Variants in CENPC observed in about 807,000 individuals in gnomAD.
CENPC encodes centromere protein C, also known as CENP-C 1.
In CENPC, 63 loss-of-function variants were observed where a neutral mutation model predicts 112.1. That is an observed-to-expected ratio of 0.56 (90% CI 0.46 to 0.69). CENPC has a LOEUF of 0.69. CENPC is among the 30% of genes least tolerant of loss of function. The pLI is 0.00. For synonymous variants in CENPC, 333 were observed against 367.6 expected, an observed-to-expected ratio of 0.91 and a Z score of 1.08; for missense variants, 1,000 against 1,103.8, an observed-to-expected ratio of 0.91 and a Z score of 1.33.
intron 2 of CENPC, among the ~76,000 whole-genome samples, chr4:67,543,933 G>C (rs1726956403): frequency 6.6e-6 from 1 of 152,000 alleles, no homozygotes; most frequent in Non-Finnish European, 1.5e-5. Context: ...CCTCTTCCTG[G>C]TTCCACTATT....
chr4:67,487,622 T>C (rs1167409215), intron 17 of CENPC, among the ~76,000 whole-genome samples: 1 of 151,710 alleles, frequency 6.6e-6, no homozygotes, highest in East Asian at 1.9e-4. Context: ...ATTTTAAAAA[T>C]ATTCTCAACC....
Position 67,519,466 on chromosome 4 carries a change from G to A in CENPC, c.368C>T (p.Thr123Ile), listed in dbSNP as rs1187358445. The A allele has an allele frequency of 1.3e-6, 2 of 1,595,056 alleles. No individual in the cohort carries two copies. The highest frequency in any genetic ancestry group is 2.7e-5 in the African/African-American group (2 of 74,542). Residue 123 changes from threonine to isoleucine, a missense_variant, in exon 6 of 19, where the codon ACT (threonine) becomes ATT (isoleucine). Physicochemically the swap from Thr to Ile is moderately conservative, Grantham distance 89. Coordinates refer to ENST00000273853, the MANE Select transcript of CENPC (RefSeq NM_001812.4). ...AHEVHQKILATDVSSKNTPDS... is the reference protein window; with the variant it reads ...AHEVHQKILAIDVSSKNTPDS... ...AGGTGTATTTTTGGAACTAACATCA[G>A]TTGCCAGAATTTTCTGATGAACTTC...
chr4:67,508,039 T>G (rs1725785086), intron 10 of CENPC, among the ~76,000 whole-genome samples: 1 of 152,152 alleles, frequency 6.6e-6, no homozygotes, highest in Non-Finnish European at 1.5e-5. Context: ...TTGTTGGAAC[T>G]AATAAGAATT....
At chr4:67,518,739 T>C (rs1726132645) in intron 6 of CENPC, among the ~76,000 whole-genome samples, 1 of 152,116 alleles carries the variant, frequency 6.6e-6, no homozygotes, top group South Asian at 2.1e-4. Flanking sequence ...ATACTCTAAA[T>C]AGAAATTACA....
chr4:67,500,021 T>C (rs966827924), intron 12 of CENPC, among the ~76,000 whole-genome samples: 3 of 152,042 alleles, frequency 2.0e-5, no homozygotes, highest in Admixed American at 1.3e-4. Flanking sequence ...GTAGCTGTGG[T>C]TTGCGGTGCC....
chr4:67,494,117 C>A, intron 13 of CENPC, 129 bp from the exon 14 acceptor site: 6 of 517,744 alleles, frequency 1.2e-5, no homozygotes, highest in South Asian at 3.6e-5. Context: ...AGACAAAAGA[C>A]TAGAAAAAAC....
intron 6 of CENPC, 130 bp from the exon 7 acceptor site, chr4:67,518,498 T>A: frequency 6.0e-6 from 6 of 1,007,904 alleles, no homozygotes; most frequent in Non-Finnish European, 7.8e-6. Flanking sequence ...ATTTAAGACA[T>A]AAATGCTGAT....
At chr4:67,501,453 A>G (rs780940135) in intron 12 of CENPC, among the ~76,000 whole-genome samples, 1 of 152,218 alleles carries the variant, frequency 6.6e-6, no homozygotes, top group Non-Finnish European at 1.5e-5. Flanking sequence ...AATGGCACAC[A>G]TTTGATCATG....
rs188011228 is a variant in CENPC, at chr4:67,471,262, A to G, written c.*1343T>C. On this transcript the variant is annotated 3_prime_UTR_variant, in exon 19 of 19. Transcript: ENST00000273853. ...AGACAGCAATAACTTCACATCATAT[A>G]TAAGATAGATTCCACAATTTGAGTC... The G allele has an allele frequency of 1.0e-3, 157 of 152,342 alleles. No homozygotes were observed. Among genetic ancestry groups the G allele is most frequent in the African/African-American group, 3.4e-3 (143 of 41,584 alleles). The allele number at this position is 152,342 out of a possible 1,614,324, so 9.4% of individuals were successfully genotyped here. A position where few individuals can be genotyped will look rare whatever the true frequency, so the allele number is the denominator to read the frequency against.
chr4:67,524,623 C>A lies in CENPC; in HGVS notation c.332-5121G>T, dbSNP rs193005582. On this transcript the variant is annotated intron_variant, in intron 5 of 18. Transcript: ENST00000273853. ...ATAAAATACCTAGGAATACAACTTA[C>A]AAGGGACGTGAGGGACCTCTTGAAG... 3.1e-3 allele frequency among the ~76,000 whole-genome samples: 477 copies of A among 152,218 alleles called. 1 individual carries two copies. The highest frequency in any genetic ancestry group is 0.011 in the African/African-American group (456 of 41,542).
At chr4:67,509,168 T>A (rs2109798006) in intron 9 of CENPC, 63 bp from the exon 10 acceptor site, 1 of 1,133,872 alleles carries the variant, frequency 8.8e-7, no homozygotes, top group East Asian at 2.5e-5. Flanking sequence ...CTCACTGAAA[T>A]ACCAACAGCA....
At chr4:67,477,506 G>C (rs1025164860) in intron 17 of CENPC, among the ~76,000 whole-genome samples, 4 of 152,164 alleles carry the variant, frequency 2.6e-5, no homozygotes, top group African/African-American at 9.7e-5. Context: ...GGAAGGAGGA[G>C]AGCACCACAT....
chr4:67,542,124 T>C (rs907491676), intron 2 of CENPC, among the ~76,000 whole-genome samples: 1 of 152,212 alleles, frequency 6.6e-6, no homozygotes, highest in East Asian at 1.9e-4. Flanking sequence ...CAGTATAAAA[T>C]TGACATGCAT....
intron 8 of CENPC, among the ~76,000 whole-genome samples, chr4:67,513,629 G>A (rs1172879340): frequency 1.3e-5 from 2 of 152,092 alleles, no homozygotes; most frequent in Non-Finnish European, 2.9e-5. Context: ...GAAATAATGG[G>A]TTAGTAATTT....
intron 17 of CENPC, among the ~76,000 whole-genome samples, chr4:67,477,673 C>A (rs7697098): frequency 0.87 from 132,495 of 152,190 alleles, 57,861 homozygotes; most frequent in East Asian, 0.93. Flanking sequence ...AGATCATACT[C>A]GCTCCCTAGC....
intron 18 of CENPC, among the ~76,000 whole-genome samples, chr4:67,473,362 G>A (rs766164760): frequency 1.3e-5 from 2 of 152,222 alleles, no homozygotes; most frequent in Non-Finnish European, 1.5e-5. Flanking sequence ...TACTATCACT[G>A]TGACTTTCTA....
intron 12 of CENPC, among the ~76,000 whole-genome samples, chr4:67,498,871 CAGA>C (rs1183602179): frequency 6.6e-6 from 1 of 152,168 alleles, no homozygotes; most frequent in Non-Finnish European, 1.5e-5. Flanking sequence ...GAATCCTTTC[CAGA>C]AGGTTTATTT....
chr4:67,536,461 A>G (rs1201665337), intron 4 of CENPC, among the ~76,000 whole-genome samples: 1 of 152,214 alleles, frequency 6.6e-6, no homozygotes, highest in African/African-American at 2.4e-5. Context: ...TGTTTCAGTT[A>G]AAACCTACGG....
At chr4:67,535,389 C>CAG (rs758502269) in intron 4 of CENPC, among the ~76,000 whole-genome samples, 22 of 150,840 alleles carry the variant, frequency 1.5e-4, no homozygotes, top group African/African-American at 4.9e-4. Context: ...CTCTGTGATA[C>CAG]AGAGAGAGTA....
Sources: allele counts gnomAD v4.1 joint callset (sites outside exome capture counted in the v4.1 genomes callset), GRCh38; gene constraint gnomAD v4.1.1; transcripts MANE v1.5; gene names NCBI Gene and HGNC (gene_info 2026-07-23, HGNC 2026-07-21).